Variants in TRIM9 observed in about 807,000 individuals in gnomAD.
TRIM9 encodes E3 ubiquitin-protein ligase TRIM9.
A neutral mutation model predicts 78.3 loss-of-function variants in TRIM9; 26 were observed. That is an observed-to-expected ratio of 0.33 (90% CI 0.24 to 0.46). The LOEUF is 0.46. Among genes scored for constraint, TRIM9 ranks in the 20% least tolerant of loss-of-function variants. TRIM9 has a pLI of 1.00. For synonymous variants in TRIM9, 398 were observed against 416.5 expected (o/e 0.96, Z 0.54); for missense variants, 787 against 1,036.4 (o/e 0.76, Z 3.30).
chr14:51,062,404 G>A (rs57541207), intron 1 of TRIM9, among the ~76,000 whole-genome samples: 3,804 of 152,114 alleles, frequency 0.025, 165 homozygotes, highest in African/African-American at 0.088. Flanking sequence ...ACTGTAAAGA[G>A]CAATAAAAGT....
Position 51,066,052 on chromosome 14 carries a change from A to AGAAG in TRIM9, c.822+28062_822+28065dup, listed in dbSNP as rs78448733. ...GCAAGCAGGCCTGAGCATCTCTTTT[A>AGAAG]GAAGGAAGGAAGGAAGGAAGGAAGG... On this transcript the variant is annotated intron_variant, in intron 1 of 12. Coordinates refer to ENST00000684578, the MANE Select transcript of TRIM9 (RefSeq NM_001387360.1). Among the ~76,000 whole-genome samples, 760 of 112,594 alleles carry AGAAG rather than the reference A, an allele frequency of 6.7e-3. 12 individuals are homozygous for AGAAG. Among genetic ancestry groups the AGAAG allele is most frequent in the Admixed American group, 0.026 (267 of 10,436 alleles). 73.9% of individuals were successfully genotyped at this position (112,594 alleles called of 152,430 possible).
At chr14:51,057,448 G>A (rs895142229) in intron 1 of TRIM9, among the ~76,000 whole-genome samples, 1 of 152,066 alleles carries the variant, frequency 6.6e-6, no homozygotes. Context: ...TTGTTTTCTG[G>A]AAGTCACCAT....
chr14:50,980,650 A>G (rs2051750071), intron 11 of TRIM9, among the ~76,000 whole-genome samples: 1 of 152,236 alleles, frequency 6.6e-6, no homozygotes, highest in Admixed American at 6.5e-5. Context: ...AGACGCTAAA[A>G]GGGAAAAAGT....
chr14:51,070,000 C>T (rs1381950047), intron 1 of TRIM9, among the ~76,000 whole-genome samples: 2 of 152,206 alleles, frequency 1.3e-5, no homozygotes, highest in African/African-American at 4.8e-5. Flanking sequence ...CAATGTGTAA[C>T]TTCATAGCTG....
At chr14:50,982,497 G>A (rs1430996008) in intron 10 of TRIM9, among the ~76,000 whole-genome samples, 1 of 152,202 alleles carries the variant, frequency 6.6e-6, no homozygotes, top group Non-Finnish European at 1.5e-5. Flanking sequence ...AGGAGCTAGA[G>A]TCCTAGATGG....
intron 1 of TRIM9, among the ~76,000 whole-genome samples, chr14:51,067,944 C>T (rs1464920374): frequency 6.6e-6 from 1 of 152,140 alleles, no homozygotes; most frequent in African/African-American, 2.4e-5. Flanking sequence ...TTGTTGTATG[C>T]CAAATTCCTA....
chr14:50,986,770 T>C (rs536118543), intron 7 of TRIM9, among the ~76,000 whole-genome samples: 4 of 152,240 alleles, frequency 2.6e-5, no homozygotes, highest in Non-Finnish European at 5.9e-5. Flanking sequence ...TACCTTTGTT[T>C]CTGAATTATG....
chr14:51,084,920 T>A (rs548789710), intron 1 of TRIM9, among the ~76,000 whole-genome samples: 1 of 152,306 alleles, frequency 6.6e-6, no homozygotes, highest in East Asian at 1.9e-4. Context: ...TATTTGACCA[T>A]CCAAGATTTT....
chr14:51,005,714 T>C (rs780983571), intron 5 of TRIM9, among the ~76,000 whole-genome samples: 1 of 152,192 alleles, frequency 6.6e-6, no homozygotes, highest in Non-Finnish European at 1.5e-5. Flanking sequence ...TTGTTTTCTA[T>C]AAAAGAAAAG....
At chr14:51,021,774 A>G (rs549103683) in intron 3 of TRIM9, among the ~76,000 whole-genome samples, 39 of 152,068 alleles carry the variant, frequency 2.6e-4, no homozygotes, top group Non-Finnish European at 4.7e-4. Flanking sequence ...TTCCTCTCAC[A>G]TCTTGTTGCC....
intron 5 of TRIM9, among the ~76,000 whole-genome samples, chr14:51,002,280 G>A (rs1268197939): frequency 7.3e-6 from 1 of 136,616 alleles, no homozygotes; most frequent in Non-Finnish European, 1.6e-5. Flanking sequence ...TGCCACCACG[G>A]CTGGCTGATT....
chr14:50,988,721 A>G (rs890148197), intron 7 of TRIM9, among the ~76,000 whole-genome samples: 5 of 152,196 alleles, frequency 3.3e-5, no homozygotes, highest in African/African-American at 1.2e-4. Flanking sequence ...GAATTACAAG[A>G]GAGAAACACT....
At chr14:51,064,957 TCTGA>T (rs1596299877) in intron 1 of TRIM9, among the ~76,000 whole-genome samples, 1 of 152,212 alleles carries the variant, frequency 6.6e-6, no homozygotes, top group African/African-American at 2.4e-5. Context: ...ACTGGTGAAC[TCTGA>T]CTGGCTCCTC....
Position 51,023,317 on chromosome 14 carries a change from A to G in TRIM9, c.919-360T>C, listed in dbSNP as rs2057933212. ...GAAGCTGGCATTCAAAAAGGCAATG[A>G]GGAGGGAGTGGGGCATTGCTGAGGC... On this transcript the variant is annotated intron_variant, in intron 2 of 12. Coordinates refer to ENST00000684578, the MANE Select transcript of TRIM9 (RefSeq NM_001387360.1). Among the ~76,000 whole-genome samples the G allele has an allele frequency of 2.0e-5, 3 of 152,326 alleles. No homozygotes were observed. In the South Asian group the frequency reaches 6.2e-4, roughly 32 times the overall value.
intron 7 of TRIM9, chr14:50,986,422 T>C (rs1256989168): frequency 7.5e-6 from 2 of 265,154 alleles, no homozygotes; most frequent in Non-Finnish European, 1.4e-5. Flanking sequence ...TCCTTTTAAT[T>C]AAATAAAATA....
At chr14:51,007,163 T>C (rs2055918642) in intron 5 of TRIM9, among the ~76,000 whole-genome samples, 1 of 152,186 alleles carries the variant, frequency 6.6e-6, no homozygotes, top group African/African-American at 2.4e-5. Context: ...TTGGGTTAGC[T>C]CATTTTTTCC....
At chr14:51,031,823 C>A (rs1450160985) in intron 1 of TRIM9, among the ~76,000 whole-genome samples, 1 of 152,182 alleles carries the variant, frequency 6.6e-6, no homozygotes, top group Non-Finnish European at 1.5e-5. Context: ...GCCAAGGTTA[C>A]CTTGAAGGAT....
chr14:50,997,616 A>G (rs1342867170), intron 7 of TRIM9: 1 of 1,019,132 alleles, frequency 9.8e-7, no homozygotes, highest in Non-Finnish European at 1.2e-6. Flanking sequence ...ACTGGAAAGA[A>G]CCTAGGTCCC....
At chr14:50,990,706 C>T (rs2053393773) in intron 7 of TRIM9, among the ~76,000 whole-genome samples, 1 of 152,192 alleles carries the variant, frequency 6.6e-6, no homozygotes, top group Admixed American at 6.5e-5. Flanking sequence ...TGGCAGTGAA[C>T]AACTTCATAA....
Sources: gnomAD v4.1 joint callset for allele counts (sites outside exome capture counted in the v4.1 genomes callset) on GRCh38, gnomAD v4.1.1 for gene constraint, MANE v1.5 for transcripts, NCBI Gene and HGNC (gene_info 2026-07-23, HGNC 2026-07-21) for gene names.